CNTN5: variants seen among roughly 807,000 people sequenced by gnomAD.
The protein encoded by CNTN5 is contactin-5.
CNTN5 carries 77 observed loss-of-function variants against 129.1 expected under a neutral mutation model. The observed-to-expected ratio is 0.60, with a 90% CI of 0.50 to 0.72. The LOEUF (loss-of-function observed/expected upper bound fraction) is 0.72. CNTN5 is among the 30% of genes least tolerant of loss of function. The probability of loss-of-function intolerance (pLI) is 0.00; values close to 1 mark genes in which losing one functional copy is unlikely to be tolerated. For missense variants in CNTN5, 1,478 were observed against 1,328.8 expected, an observed-to-expected ratio of 1.11 and a Z score of -1.75; for synonymous variants, 509 against 465.6, an observed-to-expected ratio of 1.09 and a Z score of -1.20.
intron 3 of CNTN5, among the ~76,000 whole-genome samples, chr11:99,562,611 GA>G (rs1948878409): frequency 6.6e-6 from 1 of 152,070 alleles, no homozygotes; most frequent in Non-Finnish European, 1.5e-5. Flanking sequence ...CTGAATACTT[GA>G]ATAAAATATG....
chr11:100,130,085 G>A (rs1946326366), intron 13 of CNTN5, among the ~76,000 whole-genome samples: 1 of 151,906 alleles, frequency 6.6e-6, no homozygotes, highest in Non-Finnish European at 1.5e-5. Context: ...TCTGTTCTCA[G>A]AAAAAAAGAA....
In CNTN5 at chr11:99,404,240, G is replaced by A. The variant is rs542604368; in HGVS notation, c.-71+78756G>A. On this transcript the variant is annotated intron_variant, in intron 2 of 24. Coordinates refer to ENST00000524871, the MANE Select transcript of CNTN5 (RefSeq NM_014361.4). ...TTTCATCCGTTTATTTTCAGACTAT[G>A]TGTGTATTTATAAGTTAAGTTTATT... Among the ~76,000 whole-genome samples the A allele has an allele frequency of 1.6e-3, 237 of 150,468 alleles. 3 individuals are homozygous for A. Among genetic ancestry groups the A allele is most frequent in the Middle Eastern group, 6.8e-3 (2 of 292 alleles).
At chr11:99,573,872 C>T (rs1397091453) in intron 3 of CNTN5, among the ~76,000 whole-genome samples, 2 of 152,104 alleles carry the variant, frequency 1.3e-5, no homozygotes, top group Admixed American at 1.3e-4. Context: ...ACCACCGTCA[C>T]ACGTTTCAAT....
At chr11:99,511,803 C>T (rs1244422512) in intron 2 of CNTN5, among the ~76,000 whole-genome samples, 2 of 150,550 alleles carry the variant, frequency 1.3e-5, no homozygotes, top group East Asian at 3.9e-4. Context: ...CACATGTACC[C>T]TAAAACTTAA....
At chr11:99,308,808 C>A (rs774639947) in intron 1 of CNTN5, among the ~76,000 whole-genome samples, 2 of 152,024 alleles carry the variant, frequency 1.3e-5, no homozygotes, top group Admixed American at 6.6e-5. Flanking sequence ...CATGATCTAA[C>A]TTATGCTCTG....
intron 2 of CNTN5, among the ~76,000 whole-genome samples, chr11:99,439,172 A>G (rs1021752231): frequency 2.6e-5 from 4 of 152,122 alleles, no homozygotes; most frequent in African/African-American, 7.2e-5. Flanking sequence ...GCAAAAACAA[A>G]TTCTATGTAA....
At chr11:100,312,958 T>A (rs947066184) in intron 21 of CNTN5, among the ~76,000 whole-genome samples, 6 of 152,014 alleles carry the variant, frequency 3.9e-5, no homozygotes, top group African/African-American at 1.2e-4. Context: ...TAAACTCTGA[T>A]AACAATACAC....
chr11:99,424,186 C>A (rs1273440513), intron 2 of CNTN5, among the ~76,000 whole-genome samples: 1 of 152,178 alleles, frequency 6.6e-6, no homozygotes, highest in Admixed American at 6.5e-5. Context: ...AACATCAATA[C>A]TCTTGTACTT....
At chr11:99,504,930 G>T (rs975616787) in intron 2 of CNTN5, among the ~76,000 whole-genome samples, 38 of 152,294 alleles carry the variant, frequency 2.5e-4, no homozygotes, top group African/African-American at 8.9e-4. Context: ...GAAAGGAGAA[G>T]AGAATGTAAA....
intron 2 of CNTN5, among the ~76,000 whole-genome samples, chr11:99,402,148 G>T (rs1225764332): frequency 3.9e-5 from 6 of 152,158 alleles, no homozygotes; most frequent in Non-Finnish European, 8.8e-5. Context: ...TCATGTTCCA[G>T]ATCTTAGAAG....
At chr11:100,133,114 A>G (rs889568345) in intron 13 of CNTN5, among the ~76,000 whole-genome samples, 7 of 152,154 alleles carry the variant, frequency 4.6e-5, no homozygotes, top group African/African-American at 1.7e-4. Flanking sequence ...CTCAAAAATG[A>G]CCACATAGAT....
intron 2 of CNTN5, among the ~76,000 whole-genome samples, chr11:99,546,513 A>G (rs1591257603): frequency 6.6e-6 from 1 of 152,174 alleles, no homozygotes; most frequent in Non-Finnish European, 1.5e-5. Flanking sequence ...GTCAAGATGG[A>G]CACCCTGCAG....
intron 8 of CNTN5, among the ~76,000 whole-genome samples, chr11:99,970,323 C>A (rs1336954216): frequency 1.3e-5 from 2 of 152,200 alleles, no homozygotes; most frequent in Non-Finnish European, 2.9e-5. Context: ...TATCATAAAA[C>A]TAATTGTAAC....
chr11:100,290,399 C>G (rs1950932564), intron 18 of CNTN5, among the ~76,000 whole-genome samples: 1 of 149,742 alleles, frequency 6.7e-6, no homozygotes, highest in Admixed American at 6.7e-5. Flanking sequence ...GTACTGGTAC[C>G]AAAACAGAGA....
chr11:99,630,344 G>A (rs1951296510), intron 3 of CNTN5, among the ~76,000 whole-genome samples: 1 of 151,796 alleles, frequency 6.6e-6, no homozygotes, highest in African/African-American at 2.4e-5. Flanking sequence ...CAATTTTCAG[G>A]ACATCAGGGT....
intron 3 of CNTN5, among the ~76,000 whole-genome samples, chr11:99,709,296 C>T (rs1317427549): frequency 6.6e-6 from 1 of 151,750 alleles, no homozygotes; most frequent in Non-Finnish European, 1.5e-5. Flanking sequence ...TAATCAACAT[C>T]TACTGTATGA....
intron 13 of CNTN5, among the ~76,000 whole-genome samples, chr11:100,174,224 C>T (rs551767346): frequency 1.3e-5 from 2 of 151,896 alleles, no homozygotes; most frequent in Non-Finnish European, 2.9e-5. Flanking sequence ...ATCAGAGATA[C>T]GTAAAACGTG....
At chr11:99,446,099 A>AC (rs1209060126) in intron 2 of CNTN5, among the ~76,000 whole-genome samples, 5 of 150,234 alleles carry the variant, frequency 3.3e-5, no homozygotes, top group East Asian at 2.0e-4. Flanking sequence ...AAAAAAAAAA[A>AC]AACAACCAAA....
chr11:100,038,556 T>C (rs1232254325), intron 9 of CNTN5, among the ~76,000 whole-genome samples: 4 of 152,150 alleles, frequency 2.6e-5, no homozygotes, highest in Non-Finnish European at 4.4e-5. Context: ...CTGTCTAATG[T>C]TGACAGTGAG....
Sources: allele counts gnomAD v4.1 joint callset (sites outside exome capture counted in the v4.1 genomes callset), GRCh38; gene constraint gnomAD v4.1.1; transcripts MANE v1.5; gene names NCBI Gene and HGNC (gene_info 2026-07-23, HGNC 2026-07-21).